Variants in AMPD2 observed in about 807,000 individuals in gnomAD.
The protein encoded by AMPD2 is AMP deaminase 2.
In AMPD2, 52 loss-of-function variants were observed where a neutral mutation model predicts 91.3. The observed-to-expected ratio is 0.57, with a 90% CI of 0.46 to 0.72. The LOEUF (loss-of-function observed/expected upper bound fraction) is 0.72. Among genes scored for constraint, AMPD2 ranks in the 30% least tolerant of loss-of-function variants. AMPD2 has a pLI of 0.00. For missense variants in AMPD2, 822 were observed against 1,122.3 expected, an observed-to-expected ratio of 0.73 and a Z score of 3.82; for synonymous variants, 455 against 456.4, an observed-to-expected ratio of 1.00 and a Z score of 0.04.
In AMPD2 at chr1:109,631,040, G is replaced by A. The variant is rs774256040; in HGVS notation, c.2366G>A (p.Arg789His). ...GTGCCAGACATCCGCGTGGGCTACC[G>A]CTACGAGACCCTGTGCCAGGAGCTG... is the stretch of plus-strand genomic sequence containing the variant. ...TNVPDIRVGYRYETLCQELAL... is the reference protein window; with the variant it reads ...TNVPDIRVGYHYETLCQELAL... Residue 789 changes from arginine (R) to histidine (H), a missense_variant, in exon 19 of 19, where the codon CGC (arginine) becomes CAC (histidine). Transcript: ENST00000528667. 1.2e-6 allele frequency: 2 copies of A among 1,614,188 alleles called. No homozygotes were observed. Among genetic ancestry groups the A allele is most frequent in the East Asian group, 2.2e-5 (1 of 44,886 alleles).
Position 109,620,076 on chromosome 1 carries a change from C to A in AMPD2, c.-465C>A. On this transcript the variant is annotated 5_prime_UTR_variant, in exon 1 of 19. It adds an upstream start codon to the 5' untranslated region. Transcript: ENST00000528667. ...TTGAGGCCAGTCCGGCTGCCGAGGT[C>A]TGCGGGAGTCCACCTCCGGCCAGCT... 1 of 710,642 alleles carries A rather than the reference C, an allele frequency of 1.4e-6. No homozygotes were observed. Among genetic ancestry groups the A allele is most frequent in the Non-Finnish European group, 2.4e-6 (1 of 422,120 alleles). 44.0% of individuals were successfully genotyped at this position (710,642 alleles called of 1,614,324 possible).
At chr1:109,621,390 C>T in intron 2 of AMPD2, 124 bp downstream of exon 2, 2 of 813,568 alleles carry the variant, frequency 2.5e-6, no homozygotes, top group Non-Finnish European at 3.7e-6. Context: ...TGGTGCCCCT[C>T]AACCTCAGTC....
rs1209295497 is a variant in AMPD2 at position 109,629,803 on chromosome 1, G to A, written c.1870G>A (p.Gly624Ser). The A allele has an allele frequency of 6.3e-7, 1 of 1,597,362 alleles. No individual in the cohort carries two copies. The highest frequency in any genetic ancestry group is 8.6e-7 in the Non-Finnish European group (1 of 1,169,190). ...AMLNHLRRQR[G>S]FHTFVLRPHC... The stretch of plus-strand genomic sequence containing the variant: ...TGTCTTCATGTCCCCCAGGCAGAGG[G>A]GCTTCCACACGTTTGTGCTGAGGCC... Residue 624 changes from glycine (G) to serine (S), a missense_variant, in exon 16 of 19, where the codon GGC becomes AGC. Gly to Ser is a moderately conservative substitution (Grantham distance 56, BLOSUM62 0). Around this residue, in one of 5 missense-constraint regions of AMPD2, gnomAD observed 430 missense variants for 606.0 expected, o/e 0.71. Coordinates refer to ENST00000528667, the MANE Select transcript of AMPD2 (RefSeq NM_001368809.2).
rs551941798 is a variant in AMPD2, at chr1:109,624,171, G to C, written c.92-1132G>C. On this transcript the variant is annotated intron_variant, in intron 2 of 18. Transcript: ENST00000528667. This position sits in a 1 kb window ranked among gnomAD's most constrained non-coding sequence, Gnocchi z 5.2. ...GGCCCCTCCCTCTTCCCTTTGTCCA[G>C]CTTTGGGACCAGTCCTGGAGTATTG... The C allele has an allele frequency of 1.3e-6, 1 of 756,426 alleles. No individual in the cohort carries two copies. Among genetic ancestry groups the C allele is most frequent in the African/African-American group, 1.9e-5 (1 of 52,884 alleles). The allele number at this position is 756,426 out of a possible 1,614,324, so 46.9% of individuals were successfully genotyped here.
At chr1:109,626,069 A>G (rs1457272277) in intron 4 of AMPD2, 91 bp from the exon 5 acceptor site, 6 of 1,401,226 alleles carry the variant, frequency 4.3e-6, no homozygotes, top group African/African-American at 4.3e-5. Context: ...ACATGTGACA[A>G]CATGTGCACA....
At chr1:109,630,032 C>T (rs948175240) in intron 16 of AMPD2, 116 bp downstream of exon 16, 1 of 1,474,154 alleles carries the variant, frequency 6.8e-7, no homozygotes, top group South Asian at 1.3e-5. Flanking sequence ...ATTCTGCCTT[C>T]CCAATGTAAC....
chr1:109,630,863 C>G (rs925108795), intron 18 of AMPD2, 70 bp downstream of exon 18: 1 of 1,598,192 alleles, frequency 6.3e-7, no homozygotes, highest in African/African-American at 1.3e-5. Flanking sequence ...GGGTCCTGAC[C>G]TGTCCCTGGG....
chr1:109,621,400 C>A, intron 2 of AMPD2, 134 bp downstream of exon 2: 1 of 977,310 alleles, frequency 1.0e-6, no homozygotes, highest in Non-Finnish European at 1.6e-6. Flanking sequence ...CAACCTCAGT[C>A]CCAGGGACAG....
intron 1 of AMPD2, 74 bp downstream of exon 1, chr1:109,620,352 T>C (rs1570573150): frequency 1.3e-6 from 2 of 1,594,828 alleles, no homozygotes; most frequent in Non-Finnish European, 1.7e-6. Context: ...GACAAGAGGG[T>C]GGGAGTCACA....
chr1:109,626,662 G>A, intron 6 of AMPD2, 64 bp from the exon 7 acceptor site: 1 of 1,554,408 alleles, frequency 6.4e-7, no homozygotes, highest in Non-Finnish European at 8.7e-7. Context: ...TCTAAGATAA[G>A]GCCTTAGGGA....
rs139217835 is a variant in AMPD2, at chr1:109,625,709, G to T, written c.270G>T (p.Pro90=). 139 of 1,614,150 alleles carry T rather than the reference G, an allele frequency of 8.6e-5. 1 individual carries two copies. The African/African-American group carries it at 1.7e-3, about 20-fold the overall frequency. The change falls in exon 4 of 19, where the codon CCG becomes CCT. Residue 90 remains proline, a synonymous_variant. Transcript: ENST00000528667. This position sits in a 1 kb window ranked among gnomAD's most constrained non-coding sequence, Gnocchi z 4.0. ...CTGAGAGCGAGCTCCGTAGTGCCCC[G>T]TATGAGTTCCCCGAGGAGAGCCCCA... The part of the protein sequence containing the change: ...SLAESELRSA[P]YEFPEESPIE...
intron 16 of AMPD2, 84 bp from the exon 17 acceptor site, chr1:109,630,149 C>T: frequency 6.7e-7 from 1 of 1,483,056 alleles, no homozygotes. Flanking sequence ...CTGCCCTCTG[C>T]TGTGGCCTGG....
chr1:109,626,873 C>A lies in AMPD2; in HGVS notation c.679C>A (p.Arg227=), dbSNP rs753173769. ...GCTGGCTGAAAAGCCTCTGGAGACC[C>A]GGACCTATGAACAGGGCCCCGACAC... ...QQLAEKPLET[R]TYEQGPDTPV... The change falls in exon 7 of 19, where the codon CGG becomes AGG. Residue 227 remains arginine, a synonymous_variant. Coordinates refer to ENST00000528667, the MANE Select transcript of AMPD2 (RefSeq NM_001368809.2). 1.2e-6 allele frequency: 2 copies of A among 1,613,862 alleles called. No homozygotes were observed. The highest frequency in any genetic ancestry group is 2.2e-5 in the South Asian group (2 of 91,086).
rs1368681691 is a variant in AMPD2 at position 109,628,099 on chromosome 1, A to G, written c.1097A>G (p.His366Arg). ...CCATTCCAGGTGGACACCCACATCC[A>G]TGCCTCGTCCTGCATGAACCAGAAG... ...YNIRKVDTHI[H>R]ASSCMNQKHL... The change falls in exon 11 of 19, where the codon CAT becomes CGT. Residue 366 changes from histidine (H) to arginine (R), a missense_variant. Transcript: ENST00000528667. The surrounding 1 kb of genome is among the most constrained non-coding windows in gnomAD (Gnocchi z 7.1). 6.2e-7 allele frequency: 1 copy of G among 1,613,726 alleles called. No homozygotes were observed. Among genetic ancestry groups the G allele is most frequent in the Admixed American group, 1.7e-5 (1 of 60,016 alleles).
At position 109,626,240 on chromosome 1, in the gene AMPD2, A is replaced by G. The variant is rs1409301294; in HGVS notation, c.422+12A>G. ...GACTCGGACCTACAGTGAGGAGGGC[A>G]GAGGGGCACAGGGGATGCGGAGCTG... On this transcript the variant is annotated intron_variant, in intron 5 of 18. Transcript: ENST00000528667. 2 of 1,614,010 alleles carry G rather than the reference A, an allele frequency of 1.2e-6. No individual in the cohort carries two copies. The highest frequency in any genetic ancestry group is 1.7e-6 in the Non-Finnish European group (2 of 1,180,006).
At position 109,625,918 on chromosome 1, in the gene AMPD2, T is replaced by C. The variant is rs182256435; in HGVS notation, c.353+126T>C. 6.9e-7 allele frequency: 1 copy of C among 1,442,620 alleles called. No individual in the cohort carries two copies. The highest frequency in any genetic ancestry group is 2.5e-5 in the East Asian group (1 of 40,592). The allele number at this position is 1,442,620 out of a possible 1,614,324, so 89.4% of individuals were successfully genotyped here. ...CTGCACAGGGAGCATAGAGTGGGCT[T>C]TGGAGTCGGGCTGCTGGGTTCTGTT... On this transcript the variant is annotated intron_variant, in intron 4 of 18. Transcript: ENST00000528667. The surrounding 1 kb of genome is among the most constrained non-coding windows in gnomAD (Gnocchi z 4.0).
chr1:109,620,156 C>T lies in AMPD2; in HGVS notation c.-385C>T, dbSNP rs1393600465. 3 of 1,462,538 alleles carry T rather than the reference C, an allele frequency of 2.1e-6. No homozygotes were observed. The highest frequency in any genetic ancestry group is 2.9e-6 in the Non-Finnish European group (3 of 1,043,878). The allele number at this position is 1,462,538 out of a possible 1,614,324, so 90.6% of individuals were successfully genotyped here. On this transcript the variant is annotated 5_prime_UTR_variant, in exon 1 of 19. Coordinates refer to ENST00000528667, the MANE Select transcript of AMPD2 (RefSeq NM_001368809.2). ...CCATCTCAGTGCCAGGGCAGGGGCC[C>T]TTGGAGTGACTTGGCTGGGGTCTGT...
rs1007786368 is a variant in AMPD2, at chr1:109,631,903, G to A, written c.*751G>A. The A allele has an allele frequency of 4.6e-5, 7 of 153,676 alleles. No individual in the cohort carries two copies. Among genetic ancestry groups the A allele is most frequent in the African/African-American group, 9.7e-5 (4 of 41,434 alleles). The allele number at this position is 153,676 out of a possible 1,614,324, so 9.5% of individuals were successfully genotyped here. ...TCTGCCACTCAACCCCGGGAGTGGTGTTCCCAGTGTGGCTCCCAGAGCTTT... is the reference window on the plus strand; with the variant it reads ...TCTGCCACTCAACCCCGGGAGTGGTATTCCCAGTGTGGCTCCCAGAGCTTT... On this transcript the variant is annotated 3_prime_UTR_variant, in exon 19 of 19. Coordinates refer to ENST00000528667, the MANE Select transcript of AMPD2 (RefSeq NM_001368809.2).
intron 1 of AMPD2, chr1:109,620,687 G>T: frequency 8.3e-7 from 1 of 1,209,616 alleles, no homozygotes; most frequent in Non-Finnish European, 1.0e-6. Context: ...TGCCTGCCCT[G>T]CCCCGGGAGG....
Sources: gnomAD v4.1 joint callset for allele counts on GRCh38, gnomAD v4.1.1 for gene constraint, gnomAD v4.1.1 regional missense constraint, Gnocchi (gnomAD v3.1) non-coding constraint, MANE v1.5 for transcripts, NCBI Gene and HGNC (gene_info 2026-07-23, HGNC 2026-07-21) for gene names.